The following SEMA3E variants were observed in gnomAD, a reference collection of about 807,000 sequenced individuals.
SEMA3E encodes the protein semaphorin-3E.
In SEMA3E, 49 loss-of-function variants were observed where a neutral mutation model predicts 93.6. The observed-to-expected ratio is 0.52, with a 90% CI of 0.42 to 0.66. The LOEUF (loss-of-function observed/expected upper bound fraction) is 0.66. Among genes scored for constraint, SEMA3E ranks in the 30% least tolerant of loss-of-function variants. The pLI, the probability that SEMA3E is intolerant of heterozygous loss-of-function variation, is 0.00. For missense variants in SEMA3E, 906 were observed against 964.8 expected (o/e 0.94, Z 0.81); for synonymous variants, 363 against 330.7 (o/e 1.10, Z -1.06).
At position 83,420,227 on chromosome 7, in the gene SEMA3E, A is replaced by C. The variant is rs368020626; in HGVS notation, c.457-1744T>G. Among the ~76,000 whole-genome samples, 7 of 152,284 alleles carry C rather than the reference A, an allele frequency of 4.6e-5. No individual in the cohort carries two copies. In the East Asian group the frequency reaches 1.3e-3, roughly 29 times the overall value. On this transcript the variant is annotated intron_variant, in intron 4 of 16. Transcript: ENST00000643230. ...ATAAAACCAGAATATCTACAAATAC[A>C]TCTAAGCAAGGAGGTGAAAAATCTC...
Position 83,407,111 on chromosome 7 carries a change from C to A in SEMA3E, c.799G>T (p.Gly267Trp), listed in dbSNP as rs773103107. ...NNAHAIYTRV[G>W]RLCVNDVGGQ... Reference sequence around the variant, plus strand: ...GAAAGCCTCACCACACAGAGTCGCCCGACCCTGGTGTAAATTGCGTGAGCA... The same window carrying A: ...GAAAGCCTCACCACACAGAGTCGCCAGACCCTGGTGTAAATTGCGTGAGCA... The change falls in exon 7 of 17, where the codon GGG becomes TGG. Residue 267 changes from glycine (G) to tryptophan (W), a missense_variant. Gly to Trp is a radical substitution (Grantham distance 184). Transcript: ENST00000643230. 1 of 1,613,444 alleles carries A rather than the reference C, an allele frequency of 6.2e-7. No individual in the cohort carries two copies. Among genetic ancestry groups the A allele is most frequent in the Non-Finnish European group, 8.5e-7 (1 of 1,179,732 alleles).
At chr7:83,568,735 T>C (rs1584336618) in intron 1 of SEMA3E, among the ~76,000 whole-genome samples, 3 of 152,076 alleles carry the variant, frequency 2.0e-5, no homozygotes. Context: ...CATAATAAAG[T>C]CACATCATGA....
intron 1 of SEMA3E, among the ~76,000 whole-genome samples, chr7:83,573,695 C>A (rs1792334960): frequency 6.6e-6 from 1 of 151,916 alleles, no homozygotes; most frequent in Non-Finnish European, 1.5e-5. Flanking sequence ...AGTTTCCTTG[C>A]CTTACCTTTT....
intron 1 of SEMA3E, among the ~76,000 whole-genome samples, chr7:83,606,425 T>C (rs1584360330): frequency 6.6e-6 from 1 of 151,416 alleles, no homozygotes; most frequent in African/African-American, 2.4e-5. Flanking sequence ...TGGAATACTA[T>C]GCAGCCATAA....
intron 1 of SEMA3E, chr7:83,612,577 C>T (rs1793287161): frequency 1.3e-5 from 2 of 152,036 alleles, no homozygotes; most frequent in African/African-American, 4.8e-5. Context: ...AATAAAAATA[C>T]CTGCTGAGTC....
chr7:83,502,704 G>A (rs565786419), intron 1 of SEMA3E, among the ~76,000 whole-genome samples: 19 of 152,216 alleles, frequency 1.2e-4, no homozygotes, highest in Admixed American at 1.1e-3. Flanking sequence ...TAGGTTTTGT[G>A]TTTTTTAAAA....
chr7:83,417,517 T>C (rs1269139310), intron 5 of SEMA3E, among the ~76,000 whole-genome samples: 1 of 152,108 alleles, frequency 6.6e-6, no homozygotes, highest in Non-Finnish European at 1.5e-5. Context: ...TATTAGCATA[T>C]AACTCTAAAC....
chr7:83,536,252 G>A (rs779529553), intron 1 of SEMA3E, among the ~76,000 whole-genome samples: 5 of 151,728 alleles, frequency 3.3e-5, no homozygotes, highest in South Asian at 2.1e-4. Flanking sequence ...CTGAATCTCC[G>A]TTTAAAGGGT....
intron 5 of SEMA3E, among the ~76,000 whole-genome samples, chr7:83,413,644 A>G (rs1427147248): frequency 6.6e-6 from 1 of 152,106 alleles, no homozygotes; most frequent in Non-Finnish European, 1.5e-5. Flanking sequence ...GAAGAATGTG[A>G]GATTCTGAAT....
At chr7:83,479,482 A>G (rs886238526) in intron 2 of SEMA3E, among the ~76,000 whole-genome samples, 11 of 152,168 alleles carry the variant, frequency 7.2e-5, no homozygotes, top group Non-Finnish European at 1.6e-4. Flanking sequence ...GTTAAGTAAC[A>G]CCTAAAAATA....
chr7:83,382,391 G>A (rs117713388), intron 16 of SEMA3E, among the ~76,000 whole-genome samples: 140 of 152,020 alleles, frequency 9.2e-4, no homozygotes, highest in African/African-American at 3.0e-3. Context: ...GAGTTCAAAC[G>A]TCAGGTCTGT....
intron 10 of SEMA3E, among the ~76,000 whole-genome samples, chr7:83,402,221 G>A (rs2709929): frequency 0.57 from 86,816 of 151,798 alleles, 28,482 homozygotes; most frequent in East Asian, 0.85. Context: ...TAATTTAAAT[G>A]TTAGAACATA....
In SEMA3E at chr7:83,439,094, G is replaced by A. The variant is rs528106662; in HGVS notation, c.457-20611C>T. Among the ~76,000 whole-genome samples, 17 of 152,240 alleles carry A rather than the reference G, an allele frequency of 1.1e-4. No homozygotes were observed. In the South Asian group the frequency reaches 2.3e-3, roughly 20 times the overall value. On this transcript the variant is annotated intron_variant, in intron 4 of 16. Coordinates refer to ENST00000643230, the MANE Select transcript of SEMA3E (RefSeq NM_012431.3). ...TTCATGGGAAGGAAGTCATAGTCTC[G>A]TTTTAGTATGCAGATAGGCTTTGGA...
chr7:83,519,723 G>A (rs1461205116), intron 1 of SEMA3E, among the ~76,000 whole-genome samples: 1 of 152,090 alleles, frequency 6.6e-6, no homozygotes, highest in Non-Finnish European at 1.5e-5. Flanking sequence ...ACTAAACCAT[G>A]AAAATCGTGG....
chr7:83,529,361 G>GTA (rs1791234676), intron 1 of SEMA3E, among the ~76,000 whole-genome samples: 1 of 152,034 alleles, frequency 6.6e-6, no homozygotes, highest in South Asian at 2.1e-4. Flanking sequence ...ATTAACCAAG[G>GTA]TATAGAGGAG....
At chr7:83,583,812 A>G (rs1792562248) in intron 1 of SEMA3E, among the ~76,000 whole-genome samples, 1 of 152,184 alleles carries the variant, frequency 6.6e-6, no homozygotes, top group Admixed American at 6.6e-5. Flanking sequence ...TTCTACTTTC[A>G]AAAATGTTCA....
intron 16 of SEMA3E, among the ~76,000 whole-genome samples, chr7:83,376,797 T>G (rs1446770033): frequency 1.3e-5 from 2 of 152,024 alleles, no homozygotes; most frequent in Non-Finnish European, 2.9e-5. Context: ...TGCATACAAT[T>G]AACTATTTTA....
chr7:83,447,061 G>A (rs1789246407), intron 4 of SEMA3E, among the ~76,000 whole-genome samples: 1 of 152,200 alleles, frequency 6.6e-6, no homozygotes, highest in Non-Finnish European at 1.5e-5. Context: ...AAGAGGATTA[G>A]AGAGAAAAAC....
chr7:83,639,076 A>G (rs557587111), intron 1 of SEMA3E, among the ~76,000 whole-genome samples: 347 of 125,704 alleles, frequency 2.8e-3, no homozygotes, highest in Non-Finnish European at 4.2e-3. Context: ...CCGCCACTGC[A>G]CTCCAGCCTG....
Sources: gnomAD v4.1 joint callset for allele counts (sites outside exome capture counted in the v4.1 genomes callset) on GRCh38, gnomAD v4.1.1 for gene constraint, MANE v1.5 for transcripts, NCBI Gene and HGNC (gene_info 2026-07-23, HGNC 2026-07-21) for gene names.